DBF4B: variants seen among roughly 807,000 people sequenced by gnomAD.
DBF4B encodes DBF4B-CDC7 kinase regulatory subunit.
DBF4B carries 49 observed loss-of-function variants against 53.4 expected under a neutral mutation model. The observed-to-expected ratio is 0.92, with a 90% CI of 0.73 to 1.16. The LOEUF is 1.16. DBF4B is among the 50% of genes most tolerant of loss of function. The pLI, the probability that DBF4B is intolerant of heterozygous loss-of-function variation, is 0.00. For missense variants in DBF4B, 692 were observed against 775.0 expected (o/e 0.89, Z 1.27); for synonymous variants, 257 against 288.7 (o/e 0.89, Z 1.11).
At chr17:44,730,862 GGACATAACCCCAA>G in intron 4 of DBF4B, 90 bp from the exon 5 acceptor site, 2 of 1,195,608 alleles carry the variant, frequency 1.7e-6, no homozygotes, top group South Asian at 1.4e-5. Context: ...GCTTTCCGAG[GGACATAACCCCAA>G]GACATAACCC....
intron 5 of DBF4B, 115 bp downstream of exon 5, chr17:44,731,130 A>T: frequency 8.7e-7 from 1 of 1,153,608 alleles, no homozygotes. Flanking sequence ...TGCGATATGT[A>T]GTATTGTCAT....
chr17:44,731,488 C>T (rs1053100485), intron 5 of DBF4B: 6 of 175,042 alleles, frequency 3.4e-5, no homozygotes, highest in Admixed American at 5.7e-5. Flanking sequence ...CTGTAGTCCC[C>T]GCTACGCAGG....
At position 44,728,738 on chromosome 17, in the gene DBF4B, A is replaced by AT. The variant is rs1198353990; in HGVS notation, c.226-1167_226-1166insT. On this transcript the variant is annotated intron_variant, in intron 3 of 13. Coordinates refer to ENST00000315005, the MANE Select transcript of DBF4B (RefSeq NM_145663.3). Reference sequence around the variant, plus strand: ...AGGCTGATGTAGGAGAATTGCTTGAACCTGGGAGGCGGAGGTTGCAGTGAG... The same window carrying AT: ...AGGCTGATGTAGGAGAATTGCTTGAATCCTGGGAGGCGGAGGTTGCAGTGAG... 3.3e-5 allele frequency among the ~76,000 whole-genome samples: 5 copies of AT among 151,278 alleles called. No individual in the cohort carries two copies. In the East Asian group the frequency reaches 9.8e-4, roughly 30 times the overall value.
chr17:44,726,869 C>T (rs113709642), intron 3 of DBF4B, among the ~76,000 whole-genome samples: 3 of 152,036 alleles, frequency 2.0e-5, no homozygotes, highest in South Asian at 2.1e-4. Context: ...GAGGCCGAGG[C>T]GGGCGGATCA....
At chr17:44,748,760 A>C (rs2145162968) in intron 13 of DBF4B, 1 of 1,335,358 alleles carries the variant, frequency 7.5e-7, no homozygotes, top group East Asian at 4.7e-5. Context: ...TCCTGGCCAC[A>C]GGCTTCATTT....
At chr17:44,712,595 C>T (rs1373296314) in intron 2 of DBF4B, among the ~76,000 whole-genome samples, 1 of 151,792 alleles carries the variant, frequency 6.6e-6, no homozygotes, top group African/African-American at 2.4e-5. Flanking sequence ...TGAGCCACCA[C>T]GCCCAGCCAA....
intron 8 of DBF4B, among the ~76,000 whole-genome samples, chr17:44,737,402 C>T (rs1407213999): frequency 6.6e-6 from 1 of 152,178 alleles, no homozygotes; most frequent in African/African-American, 2.4e-5. Flanking sequence ...GCACCTCTCT[C>T]ATGCTCAAAA....
Position 44,722,900 on chromosome 17 carries a change from A to G in DBF4B, c.103A>G (p.Lys35Glu). Residue 35 changes from lysine to glutamate, a missense_variant, in exon 3 of 14, where the codon AAA (lysine) becomes GAA (glutamate). Around this residue, in one of 3 missense-constraint regions of DBF4B, gnomAD observed 66 missense variants for 51.3 expected, o/e 1.29. Transcript: ENST00000315005. Reference sequence around the variant, plus strand: ...TCTAGGAGTTTCCAGGTGTCTAGGAAAATGCCAGAAGAACTCACCAGGTGC... The same window carrying G: ...TCTAGGAGTTTCCAGGTGTCTAGGAGAATGCCAGAAGAACTCACCAGGTGC... ...PDLGVSRCLG[K>E]CQKNSPGARK... The G allele has an allele frequency of 6.2e-7, 1 of 1,614,166 alleles. No homozygotes were observed.
chr17:44,742,904 T>C (rs1976224739), intron 10 of DBF4B, among the ~76,000 whole-genome samples: 1 of 152,144 alleles, frequency 6.6e-6, no homozygotes, highest in Non-Finnish European at 1.5e-5. Flanking sequence ...GCTGTGGGGT[T>C]ATAGACCAGG....
In DBF4B at chr17:44,730,946, G is replaced by A. The variant is rs374164123; in HGVS notation, c.418-19G>A. On this transcript the variant is annotated intron_variant, in intron 4 of 13. Transcript: ENST00000315005. ...AGGTGGCCTAACAGCAGACCTCACT[G>A]CTCTTCTGTCCCTGTCAGGTGCCTC... 5 of 1,613,590 alleles carry A rather than the reference G, an allele frequency of 3.1e-6. No homozygotes were observed. Among genetic ancestry groups the A allele is most frequent in the Non-Finnish European group, 3.4e-6 (4 of 1,179,692 alleles).
chr17:44,744,700 TGA>T (rs1251266851), intron 10 of DBF4B, among the ~76,000 whole-genome samples: 5 of 152,196 alleles, frequency 3.3e-5, no homozygotes, highest in Admixed American at 2.6e-4. Flanking sequence ...CTACACTGCA[TGA>T]GAGAGGCTGT....
intron 2 of DBF4B, among the ~76,000 whole-genome samples, chr17:44,709,961 C>A (rs1436324889): frequency 6.6e-6 from 1 of 151,684 alleles, no homozygotes; most frequent in South Asian, 2.1e-4. Context: ...ATCACGAGGT[C>A]AGGAGATTGA....
intron 3 of DBF4B, among the ~76,000 whole-genome samples, chr17:44,728,615 G>A (rs1236378196): frequency 6.6e-6 from 1 of 150,558 alleles, no homozygotes; most frequent in Non-Finnish European, 1.5e-5. Flanking sequence ...TTAAGAGATC[G>A]AGACCATCCT....
chr17:44,736,917 C>A (rs747270527), intron 8 of DBF4B, 51 bp downstream of exon 8: 15 of 1,598,022 alleles, frequency 9.4e-6, no homozygotes, highest in Admixed American at 5.0e-5. Flanking sequence ...CCTCCCTAAA[C>A]ACTTCCCCAC....
intron 6 of DBF4B, chr17:44,732,581 C>T (rs1260487291): frequency 3.3e-5 from 9 of 270,990 alleles, no homozygotes; most frequent in Non-Finnish European, 1.4e-5. Flanking sequence ...ATATTCATGA[C>T]CACTGGCCAG....
Position 44,747,188 on chromosome 17 carries a change from T to C in DBF4B, c.936T>C (p.His312=), listed in dbSNP as rs753940948. The C allele has an allele frequency of 4.6e-5, 75 of 1,613,930 alleles. No individual in the cohort carries two copies. Among genetic ancestry groups the C allele is most frequent in the Non-Finnish European group, 2.9e-5 (34 of 1,179,900 alleles). ...ECCQEAFEEL[H]VHLQSAQHRS... ...GTCAGGAGGCCTTCGAGGAGCTCCATGTGGTGAGCCCCTTCCCCATTAAGC... is the reference window on the plus strand; with the variant it reads ...GTCAGGAGGCCTTCGAGGAGCTCCACGTGGTGAGCCCCTTCCCCATTAAGC... The change falls in exon 11 of 14, where the codon CAT becomes CAC. Residue 312 remains histidine, a synonymous_variant. Transcript: ENST00000315005.
chr17:44,709,352 G>A lies in DBF4B; in HGVS notation c.68G>A (p.Arg23Gln), dbSNP rs375796389. 1.9e-6 allele frequency: 3 copies of A among 1,614,006 alleles called. No homozygotes were observed. The East Asian group carries it at 6.7e-5, about 36-fold the overall frequency. Residue 23 changes from arginine to glutamine, a missense_variant, in exon 2 of 14, where the codon CGG becomes CAG. Physicochemically the swap from Arg to Gln is conservative, Grantham distance 43. Around this residue, in one of 3 missense-constraint regions of DBF4B, gnomAD observed 66 missense variants for 51.3 expected, o/e 1.29. Coordinates refer to ENST00000315005, the MANE Select transcript of DBF4B (RefSeq NM_145663.3). Reference protein sequence around the residue: ...LESSMAESRLRAPDLGVSRCL... With the variant: ...LESSMAESRLQAPDLGVSRCL... The stretch of plus-strand genomic sequence containing the variant: ...AGTTCCATGGCTGAGAGTAGGCTCC[G>A]GGCCCCGGACCTAGGTGGGTAACAG...
intron 7 of DBF4B, 55 bp from the exon 8 acceptor site, chr17:44,736,775 T>C (rs376141644): frequency 5.0e-5 from 81 of 1,606,548 alleles, no homozygotes; most frequent in Non-Finnish European, 7.7e-6. Flanking sequence ...CAGGCCCAGT[T>C]CCTTGACCCC....
At chr17:44,748,755 G>A (rs1200186916) in intron 13 of DBF4B, 2 of 1,340,838 alleles carry the variant, frequency 1.5e-6, no homozygotes, top group South Asian at 2.5e-5. Flanking sequence ...GGGCCTCCTG[G>A]CCACAGGCTT....
Sources: allele counts gnomAD v4.1 joint callset (sites outside exome capture counted in the v4.1 genomes callset), GRCh38; gene constraint gnomAD v4.1.1; regional missense constraint gnomAD v4.1.1; transcripts MANE v1.5; gene names NCBI Gene and HGNC (gene_info 2026-07-23, HGNC 2026-07-21).